Variants in DCDC1 observed in about 807,000 individuals in gnomAD.
DCDC1 encodes the protein doublecortin domain containing 1.
Under a neutral mutation model 178.3 loss-of-function variants are expected in DCDC1, and 200 were observed. The observed-to-expected ratio is 1.12, with a 90% confidence interval of 1.00 to 1.26. The LOEUF (loss-of-function observed/expected upper bound fraction) is 1.26. Among genes scored for constraint, DCDC1 ranks in the 50% most tolerant of loss-of-function variants. DCDC1 has a pLI of 0.00. For synonymous variants in DCDC1, 690 were observed against 604.8 expected, an observed-to-expected ratio of 1.14 and a Z score of -2.07; for missense variants, 1,983 against 1,749.2, an observed-to-expected ratio of 1.13 and a Z score of -2.38.
chr11:31,139,760 A>G (rs1591185177), intron 9 of DCDC1, among the ~76,000 whole-genome samples: 1 of 146,404 alleles, frequency 6.8e-6, no homozygotes, highest in South Asian at 2.1e-4. Context: ...CCACAGTTGG[A>G]AAAAAAAAAA....
At chr11:31,180,137 G>C (rs1002690509) in intron 9 of DCDC1, among the ~76,000 whole-genome samples, 2 of 152,182 alleles carry the variant, frequency 1.3e-5, no homozygotes, top group African/African-American at 4.8e-5. Flanking sequence ...ACTTCAATGG[G>C]TAAGGAATGA....
intron 18 of DCDC1, among the ~76,000 whole-genome samples, chr11:31,068,973 T>C (rs1415333433): frequency 1.3e-5 from 2 of 151,990 alleles, no homozygotes; most frequent in Non-Finnish European, 2.9e-5. Flanking sequence ...TGCCTCAGCC[T>C]CCCGAGTAGC....
intron 20 of DCDC1, among the ~76,000 whole-genome samples, chr11:31,059,975 A>G (rs1050984457): frequency 2.6e-5 from 4 of 152,020 alleles, no homozygotes; most frequent in African/African-American, 4.8e-5. Context: ...TTTCTTTGAA[A>G]AGCAGGAGAC....
intron 20 of DCDC1, among the ~76,000 whole-genome samples, chr11:31,009,882 C>T (rs1390676112): frequency 1.3e-5 from 2 of 152,170 alleles, no homozygotes; most frequent in Non-Finnish European, 2.9e-5. Flanking sequence ...AAGCAGGCAC[C>T]TTCTTCACAA....
intron 6 of DCDC1, among the ~76,000 whole-genome samples, chr11:31,296,351 C>T (rs1195564009): frequency 6.6e-6 from 1 of 152,124 alleles, no homozygotes; most frequent in Non-Finnish European, 1.5e-5. Flanking sequence ...TAAACCCATA[C>T]TTCACCTATT....
At chr11:30,935,058 C>G (rs1214864550) in intron 21 of DCDC1, among the ~76,000 whole-genome samples, 1 of 152,132 alleles carries the variant, frequency 6.6e-6, no homozygotes, top group African/African-American at 2.4e-5. Context: ...ACCTGAGATG[C>G]TACTTTTGGT....
At chr11:30,956,183 A>G (rs1948760897) in intron 20 of DCDC1, among the ~76,000 whole-genome samples, 1 of 152,190 alleles carries the variant, frequency 6.6e-6, no homozygotes, top group South Asian at 2.1e-4. Flanking sequence ...TCTAAAGCCA[A>G]AGTATATTTT....
intron 1 of DCDC1, among the ~76,000 whole-genome samples, chr11:31,346,842 T>C (rs1418896451): frequency 6.6e-6 from 1 of 152,186 alleles, no homozygotes; most frequent in African/African-American, 2.4e-5. Flanking sequence ...GTTTTACCGT[T>C]TTTCCTCTTG....
chr11:31,165,829 A>G (rs903789428), intron 9 of DCDC1, among the ~76,000 whole-genome samples: 2 of 152,174 alleles, frequency 1.3e-5, no homozygotes, highest in Non-Finnish European at 2.9e-5. Context: ...TGGGTTCTGC[A>G]TGTAAAAATC....
At chr11:31,303,514 A>G (rs902833116) in intron 6 of DCDC1, among the ~76,000 whole-genome samples, 3 of 152,190 alleles carry the variant, frequency 2.0e-5, no homozygotes, top group Admixed American at 2.0e-4. Flanking sequence ...TGTAAAACAG[A>G]TGACAGAAAG....
chr11:31,010,495 GCA>G (rs1352943906), intron 20 of DCDC1, among the ~76,000 whole-genome samples: 1 of 152,206 alleles, frequency 6.6e-6, no homozygotes, highest in Non-Finnish European at 1.5e-5. Flanking sequence ...TAGTTTGCTA[GCA>G]CAGAGCCTCA....
intron 18 of DCDC1, among the ~76,000 whole-genome samples, chr11:31,077,550 T>C (rs564963521): frequency 1.4e-4 from 22 of 152,158 alleles, no homozygotes; most frequent in Non-Finnish European, 2.8e-4. Context: ...TCAACAGTAG[T>C]AGATACTGAT....
chr11:31,045,247 ACT>A (rs765666124), intron 20 of DCDC1, among the ~76,000 whole-genome samples: 2 of 152,080 alleles, frequency 1.3e-5, no homozygotes, highest in African/African-American at 2.4e-5. Flanking sequence ...CAGGAAAAAG[ACT>A]CTCAAATTTA....
At chr11:30,877,312 A>G (rs1942225363) in intron 38 of DCDC1, among the ~76,000 whole-genome samples, 1 of 152,154 alleles carries the variant, frequency 6.6e-6, no homozygotes, top group African/African-American at 2.4e-5. Context: ...GCCAGAGTAC[A>G]ATTTATATTC....
At chr11:31,086,224 GT>G (rs1957465504) in intron 17 of DCDC1, among the ~76,000 whole-genome samples, 1 of 152,158 alleles carries the variant, frequency 6.6e-6, no homozygotes, top group African/African-American at 2.4e-5. Context: ...ACTTATGAGA[GT>G]TCTAGTTGTA....
At chr11:30,897,734 G>A (rs1453203341) in intron 34 of DCDC1, among the ~76,000 whole-genome samples, 1 of 152,136 alleles carries the variant, frequency 6.6e-6, no homozygotes, top group Non-Finnish European at 1.5e-5. Flanking sequence ...TCCCTGGAGC[G>A]AATGGTTGCA....
chr11:31,176,707 C>T (rs889251664), intron 9 of DCDC1, among the ~76,000 whole-genome samples: 10 of 152,228 alleles, frequency 6.6e-5, no homozygotes, highest in Non-Finnish European at 1.3e-4. Context: ...GCAGATTTCT[C>T]AGCAGAAATC....
At chr11:31,222,851 C>T (rs1974436691) in intron 9 of DCDC1, among the ~76,000 whole-genome samples, 1 of 152,048 alleles carries the variant, frequency 6.6e-6, no homozygotes, top group Non-Finnish European at 1.5e-5. Context: ...GCCCTATTCC[C>T]AAATATAGTC....
chr11:31,257,729 CACACAT>C, intron 8 of DCDC1, among the ~76,000 whole-genome samples: 1 of 151,356 alleles, frequency 6.6e-6, no homozygotes, highest in African/African-American at 2.4e-5. Flanking sequence ...CATACACACA[CACACAT>C]ACACACACGC....
Sources: allele counts gnomAD v4.1 joint callset (sites outside exome capture counted in the v4.1 genomes callset), GRCh38; gene constraint gnomAD v4.1.1; transcripts MANE v1.5; gene names NCBI Gene and HGNC (gene_info 2026-07-23, HGNC 2026-07-21).